The following CAPN15 variants were observed in gnomAD, a reference collection of about 807,000 sequenced individuals.
CAPN15 encodes calpain 15, also known as calpain-15.
A neutral mutation model predicts 97.9 loss-of-function variants in CAPN15; 53 were observed. That is an observed-to-expected ratio of 0.54 (90% CI 0.43 to 0.68). The LOEUF is 0.68. CAPN15 is among the 30% of genes least tolerant of loss of function. The pLI is 0.00. For missense variants in CAPN15, 1,592 were observed against 1,589.8 expected (o/e 1.00, Z -0.02); for synonymous variants, 922 against 722.5 (o/e 1.28, Z -4.43).
rs371957618 is a variant in CAPN15, at chr16:552,031, C to T, written c.2346-20C>T. Reference sequence around the variant, plus strand: ...GTGGGCCGTGGTAGGCTCAGGGCCCCGTCCTCCCGCCACCTGCAGGTACTT... The same window carrying T: ...GTGGGCCGTGGTAGGCTCAGGGCCCTGTCCTCCCGCCACCTGCAGGTACTT... On this transcript the variant is annotated intron_variant, in intron 9 of 13. Coordinates refer to ENST00000219611, the MANE Select transcript of CAPN15 (RefSeq NM_005632.3). This position sits in a 1 kb window ranked among gnomAD's most constrained non-coding sequence, Gnocchi z 6.4. 355 of 1,546,378 alleles carry T rather than the reference C, an allele frequency of 2.3e-4. No individual in the cohort carries two copies. The highest frequency in any genetic ancestry group is 4.1e-4 in the African/African-American group (30 of 73,040).
At position 547,674 on chromosome 16, in the gene CAPN15, G is replaced by T; in HGVS notation, c.836G>T (p.Gly279Val). ...AGCRGAPQGS[G>V]WAGASRLAEL... ...TGCAGGGGAGCCCCCCAGGGCTCGG[G>T]CTGGGCTGGGGCCTCCCGCCTAGCA... is the stretch of plus-strand genomic sequence containing the variant. Residue 279 changes from glycine to valine, a missense_variant, in exon 4 of 14, where the codon GGC (glycine) becomes GTC (valine). Gly to Val is a moderately radical substitution (Grantham distance 109). Coordinates refer to ENST00000219611, the MANE Select transcript of CAPN15 (RefSeq NM_005632.3). The T allele has an allele frequency of 6.3e-7, 1 of 1,584,650 alleles. No homozygotes were observed.
intron 3 of CAPN15, chr16:543,370 C>T (rs752491429): frequency 6.5e-6 from 1 of 153,932 alleles, no homozygotes; most frequent in East Asian, 1.9e-4. Context: ...GCGGCCGTGG[C>T]TCTGGCTATG....
At chr16:548,578 C>T (rs183001729) in intron 4 of CAPN15, among the ~76,000 whole-genome samples, 45 of 152,354 alleles carry the variant, frequency 3.0e-4, no homozygotes, top group African/African-American at 8.9e-4. Context: ...CCGCAGGAGG[C>T]GAGGGCTTCC....
Position 546,846 on chromosome 16 carries a change from C to T in CAPN15, c.8C>T (p.Thr3Met), listed in dbSNP as rs1206524109. 26 of 1,602,318 alleles carry T rather than the reference C, an allele frequency of 1.6e-5. No individual in the cohort carries two copies. Among genetic ancestry groups the T allele is most frequent in the South Asian group, 2.2e-5 (2 of 90,236 alleles). ...ACCCACTCGCCCGGGTCTATGGCCA[C>T]GGTCGGAGAGTGGTCCTGTGTGCGC... MA[T>M]VGEWSCVRCT... is the part of the protein sequence containing the mutation. The change falls in exon 4 of 14, where the codon ACG (threonine) becomes ATG (methionine). Residue 3 changes from threonine to methionine, a missense_variant. Thr to Met is a moderately conservative substitution (Grantham distance 81). Around this residue, in one of 3 missense-constraint regions of CAPN15, gnomAD observed 883 missense variants for 776.6 expected, o/e 1.14. Transcript: ENST00000219611.
intron 7 of CAPN15, among the ~76,000 whole-genome samples, chr16:551,028 G>A (rs1278674424): frequency 4.2e-4 from 58 of 137,556 alleles, no homozygotes; most frequent in Admixed American, 5.0e-4. Context: ...TGAGGGCCCC[G>A]GTCGGTGAGG....
chr16:532,026 G>A (rs2033300035), intron 1 of CAPN15, among the ~76,000 whole-genome samples: 1 of 152,120 alleles, frequency 6.6e-6, no homozygotes, highest in Non-Finnish European at 1.5e-5. Context: ...GGTTGCCTGA[G>A]GTCAGGAGTT....
intron 3 of CAPN15, 23 bp from the exon 4 acceptor site, chr16:546,794 C>T: frequency 1.3e-6 from 2 of 1,556,762 alleles, no homozygotes; most frequent in African/African-American, 1.3e-5. Context: ...CAGGGTGGCC[C>T]TGATGAGCAC....
chr16:532,049 G>A (rs1189251807), intron 1 of CAPN15, among the ~76,000 whole-genome samples: 1 of 152,080 alleles, frequency 6.6e-6, no homozygotes, highest in Admixed American at 6.5e-5. Context: ...AGACCAGCCT[G>A]ACCAAAATGG....
At chr16:550,778 T>C (rs867331564) in intron 7 of CAPN15, among the ~76,000 whole-genome samples, 12 of 1,692 alleles carry the variant, frequency 7.1e-3, no homozygotes, top group Non-Finnish European at 9.6e-3. Flanking sequence ...CCGGTGAGGG[T>C]CCCGGTCGGT....
At chr16:548,497 C>T (rs999262888) in intron 4 of CAPN15, among the ~76,000 whole-genome samples, 23 of 152,338 alleles carry the variant, frequency 1.5e-4, no homozygotes, top group African/African-American at 3.8e-4. Context: ...TGCTGGTGAC[C>T]GAGATGCACG....
intron 3 of CAPN15, among the ~76,000 whole-genome samples, chr16:546,152 C>T (rs2034566335): frequency 6.6e-6 from 1 of 152,264 alleles, no homozygotes; most frequent in Admixed American, 6.5e-5. Context: ...GGGAAGGCAG[C>T]ATCACGGAGT....
In CAPN15 at chr16:553,371, G is replaced by A. The variant is rs781178619; in HGVS notation, c.3116G>A (p.Gly1039Asp). ...CTGGTGATCTTGTCCCAGCTAGAGG[G>A]CAACGCCGGCTTCTCTATCACCCAC... ...QVLVILSQLEGNAGFSITHRL... is the reference protein window; with the variant it reads ...QVLVILSQLEDNAGFSITHRL... Residue 1039 changes from glycine (G) to aspartate (D), a missense_variant, in exon 14 of 14, where the codon GGC becomes GAC. Transcript: ENST00000219611. 3 of 1,608,700 alleles carry A rather than the reference G, an allele frequency of 1.9e-6. No homozygotes were observed. Among genetic ancestry groups the A allele is most frequent in the Non-Finnish European group, 2.5e-6 (3 of 1,178,372 alleles).
At chr16:534,896 C>T (rs1041439937) in intron 2 of CAPN15, among the ~76,000 whole-genome samples, 3 of 152,076 alleles carry the variant, frequency 2.0e-5, no homozygotes, top group Non-Finnish European at 4.4e-5. Context: ...GAAAGATTGA[C>T]GGAGATGTAG....
chr16:546,507 C>A (rs573176507), intron 3 of CAPN15, among the ~76,000 whole-genome samples: 1 of 152,356 alleles, frequency 6.6e-6, no homozygotes, highest in South Asian at 2.1e-4. Flanking sequence ...CTGCCGTCCA[C>A]AGGCCTGGTG....
chr16:550,028 T>G (rs761021658), intron 7 of CAPN15, among the ~76,000 whole-genome samples, 190 bp downstream of exon 7: 5 of 152,178 alleles, frequency 3.3e-5, no homozygotes, highest in Non-Finnish European at 7.4e-5. Context: ...GGAGCTGGCC[T>G]TCTCATGCCA....
chr16:553,227 C>T lies in CAPN15; in HGVS notation c.3084-112C>T, dbSNP rs1467448047. On this transcript the variant is annotated intron_variant, in intron 13 of 13. Transcript: ENST00000219611. ...TGTGCTCATACCCCTGCCCCCACCC[C>T]TGTACGGGTGTTTGTCACCCCACTC... 5 of 659,318 alleles carry T rather than the reference C, an allele frequency of 7.6e-6. No individual in the cohort carries two copies. The African/African-American group carries it at 8.2e-5, about 11-fold the overall frequency. The allele number at this position is 659,318 out of a possible 1,614,324, so 40.8% of individuals were successfully genotyped here.
At position 535,785 on chromosome 16, in the gene CAPN15, A is replaced by G. The variant is rs1488582534; in HGVS notation, c.-136-244A>G. 6.6e-6 allele frequency among the ~76,000 whole-genome samples: 1 copy of G among 152,038 alleles called. No homozygotes were observed. The highest frequency in any genetic ancestry group is 1.5e-5 in the Non-Finnish European group (1 of 67,958). ...CTCCTGCTGGTTCCCATTCGCGAGC[A>G]CCTGAAACAGCCTGGCCCACAGCAG... On this transcript the variant is annotated intron_variant, in intron 2 of 13. Coordinates refer to ENST00000219611, the MANE Select transcript of CAPN15 (RefSeq NM_005632.3). The surrounding 1 kb of genome is among the most constrained non-coding windows in gnomAD (Gnocchi z 6.2).
At chr16:542,255 G>A (rs867793114) in intron 3 of CAPN15, among the ~76,000 whole-genome samples, 7 of 152,202 alleles carry the variant, frequency 4.6e-5, no homozygotes, top group Admixed American at 4.6e-4. Context: ...TTGTTTACGA[G>A]GTTTTGCGTG....
At position 529,480 on chromosome 16, in the gene CAPN15, G is replaced by A. The variant is rs566110479; in HGVS notation, c.-190+1451G>A. On this transcript the variant is annotated intron_variant, in intron 1 of 13. Transcript: ENST00000219611. Reference sequence around the variant, plus strand: ...AGCTGTTCATGGCAGGGGAGGGGCCGAGGGAGGCTGAGCGCCTGGTCTCTC... The same window carrying A: ...AGCTGTTCATGGCAGGGGAGGGGCCAAGGGAGGCTGAGCGCCTGGTCTCTC... Among the ~76,000 whole-genome samples, 13 of 152,350 alleles carry A rather than the reference G, an allele frequency of 8.5e-5. No homozygotes were observed. In the East Asian group the frequency reaches 1.7e-3, roughly 20 times the overall value.
Sources: gnomAD v4.1 joint callset for allele counts (sites outside exome capture counted in the v4.1 genomes callset) on GRCh38, gnomAD v4.1.1 for gene constraint, gnomAD v4.1.1 regional missense constraint, Gnocchi (gnomAD v3.1) non-coding constraint, MANE v1.5 for transcripts, NCBI Gene and HGNC (gene_info 2026-07-23, HGNC 2026-07-21) for gene names.